Variants in HECTD4 observed in about 807,000 individuals in gnomAD.
The protein encoded by HECTD4 is probable E3 ubiquitin-protein ligase HECTD4.
A neutral mutation model predicts 471.5 loss-of-function variants in HECTD4; 114 were observed. The observed-to-expected ratio is 0.24, with a 90% CI of 0.21 to 0.28. The LOEUF is 0.28. Ranked by LOEUF, HECTD4 falls within the 10% of genes least tolerant of loss-of-function variation. The pLI is 1.00. For synonymous variants in HECTD4, 2,012 were observed against 2,256.0 expected (o/e 0.89, Z 3.07); for missense variants, 3,866 against 5,651.5 (o/e 0.68, Z 10.13).
intron 1 of HECTD4, among the ~76,000 whole-genome samples, chr12:112,335,052 A>C (rs1209213843): frequency 6.6e-6 from 1 of 152,298 alleles, no homozygotes; most frequent in East Asian, 1.9e-4. Flanking sequence ...ATACTTGCAC[A>C]TGCATGTTTA....
At chr12:112,324,493 T>C (rs1489329327) in intron 1 of HECTD4, among the ~76,000 whole-genome samples, 2 of 152,134 alleles carry the variant, frequency 1.3e-5, no homozygotes, top group Non-Finnish European at 2.9e-5. Flanking sequence ...TCAAGTAATA[T>C]AAAACTGTAT....
rs183047454 is a variant in HECTD4 at position 112,319,513 on chromosome 12, G to T, written c.407C>A (p.Pro136His). Residue 136 changes from proline to histidine, a missense_variant, in exon 2 of 76, where the codon CCT becomes CAT. Pro to His is a moderately conservative substitution (Grantham distance 77). Coordinates refer to ENST00000682272, the MANE Select transcript of HECTD4 (RefSeq NM_001388303.1). This position sits in a 1 kb window ranked among gnomAD's most constrained non-coding sequence, Gnocchi z 5.3. ...LLKRQGLLQQ[P>H]EQAPFTSRMG... ...CCTCGATGTGAAGGGCGCTTGCTCA[G>T]GTTGCTGCAACAAGCCCTGGCGTTT... The T allele has an allele frequency of 2.7e-4, 390 of 1,470,352 alleles. 2 individuals are homozygous for T. Among genetic ancestry groups the T allele is most frequent in the East Asian group, 1.7e-4 (7 of 40,308 alleles). 91.1% of individuals were successfully genotyped at this position (1,470,352 alleles called of 1,614,324 possible). A position where few individuals can be genotyped will look rare whatever the true frequency, so the allele number is the denominator to read the frequency against.
Position 112,162,986 on chromosome 12 carries a change from A to T in HECTD4, c.13120+56T>A, listed in dbSNP as rs773332978. On this transcript the variant is annotated intron_variant, in intron 75 of 75. Coordinates refer to ENST00000682272, the MANE Select transcript of HECTD4 (RefSeq NM_001388303.1). The surrounding 1 kb of genome is among the most constrained non-coding windows in gnomAD (Gnocchi z 5.2). ...CATGGGGCCTGGCAGCCCCAGTTCC[A>T]AACAGAGAAAGGCTAGTGTGTCCCT... The T allele has an allele frequency of 3.9e-5, 54 of 1,386,182 alleles. No individual in the cohort carries two copies. The highest frequency in any genetic ancestry group is 5.1e-5 in the Non-Finnish European group (51 of 998,468). 85.9% of individuals were successfully genotyped at this position (1,386,182 alleles called of 1,614,324 possible).
At chr12:112,347,283 G>A (rs746321667) in intron 1 of HECTD4, among the ~76,000 whole-genome samples, 17 of 152,160 alleles carry the variant, frequency 1.1e-4, no homozygotes, top group Non-Finnish European at 1.8e-4. Context: ...GCCGAGGTGG[G>A]TGGATCACTT....
Position 112,162,968 on chromosome 12 carries a change from C to G in HECTD4, c.13120+74G>C, listed in dbSNP as rs760853136. On this transcript the variant is annotated intron_variant, in intron 75 of 75. Coordinates refer to ENST00000682272, the MANE Select transcript of HECTD4 (RefSeq NM_001388303.1). The surrounding 1 kb of genome is among the most constrained non-coding windows in gnomAD (Gnocchi z 5.2). ...TTCATTGTTCTCCCTTCACATGGGG[C>G]CTGGCAGCCCCAGTTCCAAACAGAG... The G allele has an allele frequency of 6.7e-6, 8 of 1,201,342 alleles. No homozygotes were observed. Among genetic ancestry groups the G allele is most frequent in the Non-Finnish European group, 9.5e-6 (8 of 839,202 alleles). The allele number at this position is 1,201,342 out of a possible 1,614,324, so 74.4% of individuals were successfully genotyped here.
chr12:112,376,274 T>C (rs2036778434), intron 1 of HECTD4, among the ~76,000 whole-genome samples: 1 of 151,400 alleles, frequency 6.6e-6, no homozygotes, highest in Non-Finnish European at 1.5e-5. Context: ...GGAGATGGAG[T>C]CTCACTCTGT....
chr12:112,271,042 T>C (rs1423803283), intron 11 of HECTD4, among the ~76,000 whole-genome samples: 1 of 152,200 alleles, frequency 6.6e-6, no homozygotes, highest in Non-Finnish European at 1.5e-5. Context: ...TAGTCAGTAA[T>C]ATAAAGTGGA....
rs576199012 is a variant in HECTD4 at position 112,272,546 on chromosome 12, T to A, written c.1942+1109A>T. Among the ~76,000 whole-genome samples, 6 of 152,170 alleles carry A rather than the reference T, an allele frequency of 3.9e-5. No individual in the cohort carries two copies. In the South Asian group the frequency reaches 8.3e-4, roughly 21 times the overall value. ...CACGCGGTTTTAAACTCTGCTCTGG[T>A]TTTTACTTTCTGTTGGGCCCTCTCA... On this transcript the variant is annotated intron_variant, in intron 11 of 75. Transcript: ENST00000682272.
chr12:112,377,272 T>TA (rs898563634), intron 1 of HECTD4, among the ~76,000 whole-genome samples: 88 of 143,064 alleles, frequency 6.2e-4, no homozygotes, highest in East Asian at 2.8e-3. Flanking sequence ...CCAACTCTAA[T>TA]AAAAAAAAAA....
chr12:112,343,495 C>T (rs1489312603), intron 1 of HECTD4, among the ~76,000 whole-genome samples: 1 of 152,120 alleles, frequency 6.6e-6, no homozygotes, highest in Non-Finnish European at 1.5e-5. Flanking sequence ...TGAGGCTGTG[C>T]ATGGTGGCTC....
At chr12:112,340,801 C>T (rs142497715) in intron 1 of HECTD4, among the ~76,000 whole-genome samples, 2 of 152,178 alleles carry the variant, frequency 1.3e-5, no homozygotes, top group East Asian at 1.9e-4. Flanking sequence ...TGCATAGGAA[C>T]GATTCTATTC....
At position 112,194,879 on chromosome 12, in the gene HECTD4, T is replaced by G. The variant is rs1230228765; in HGVS notation, c.8749+6A>C. ...CCAGAGTGACAGCAGCAAAGCCAAG[T>G]TTTACCTGGGAGAGGAGGTGCGAGG... is the stretch of plus-strand genomic sequence containing the variant. On this transcript the variant is annotated splice_donor_region_variant and intron_variant, in intron 56 of 75. Coordinates refer to ENST00000682272, the MANE Select transcript of HECTD4 (RefSeq NM_001388303.1). The surrounding 1 kb of genome is among the most constrained non-coding windows in gnomAD (Gnocchi z 4.6). 1 of 1,601,658 alleles carries G rather than the reference T, an allele frequency of 6.2e-7. No individual in the cohort carries two copies. Among genetic ancestry groups the G allele is most frequent in the Middle Eastern group, 1.7e-4 (1 of 6,046 alleles).
intron 1 of HECTD4, among the ~76,000 whole-genome samples, chr12:112,380,570 A>G (rs1242069551): frequency 6.6e-6 from 1 of 152,190 alleles, no homozygotes; most frequent in Non-Finnish European, 1.5e-5. Flanking sequence ...TCAGGCAGAT[A>G]AGACACTCAG....
chr12:112,347,076 C>A (rs928845980), intron 1 of HECTD4, among the ~76,000 whole-genome samples: 1 of 151,966 alleles, frequency 6.6e-6, no homozygotes, highest in African/African-American at 2.4e-5. Flanking sequence ...CTGGCCTCGA[C>A]TTTTCATGTT....
At chr12:112,182,701 C>G (rs2031720934) in intron 62 of HECTD4, among the ~76,000 whole-genome samples, 1 of 152,268 alleles carries the variant, frequency 6.6e-6, no homozygotes, top group Non-Finnish European at 1.5e-5. Context: ...CGGCGCAAAG[C>G]CACCCCTGGT....
At chr12:112,268,868 GTTTTTTTTTTTTTT>G (rs561805261) in intron 13 of HECTD4, among the ~76,000 whole-genome samples, 2 of 65,808 alleles carry the variant, frequency 3.0e-5, no homozygotes, top group Non-Finnish European at 2.6e-5. Context: ...GTCTGAAAAG[GTTTTTTTTTTTTTT>G]TTTTTTTTTT....
chr12:112,231,415 G>A (rs2033376048), intron 39 of HECTD4, 98 bp downstream of exon 39: 8 of 1,184,120 alleles, frequency 6.8e-6, no homozygotes, highest in Non-Finnish European at 8.7e-6. Flanking sequence ...ATTTCCAAGA[G>A]GTCAAGGGGA....
At chr12:112,238,662 G>T (rs2033571200) in intron 34 of HECTD4, among the ~76,000 whole-genome samples, 1 of 152,092 alleles carries the variant, frequency 6.6e-6, no homozygotes, top group African/African-American at 2.4e-5. Flanking sequence ...GAGCCAGGGA[G>T]GTTGAGGTTA....
chr12:112,321,749 T>C (rs915556720), intron 1 of HECTD4: 4 of 151,664 alleles, frequency 2.6e-5, no homozygotes, highest in Non-Finnish European at 4.4e-5. Flanking sequence ...AATCACTGAA[T>C]TGAACTAAAA....
Sources: allele counts gnomAD v4.1 joint callset (sites outside exome capture counted in the v4.1 genomes callset), GRCh38; gene constraint gnomAD v4.1.1; non-coding constraint Gnocchi (gnomAD v3.1); transcripts MANE v1.5; gene names NCBI Gene and HGNC (gene_info 2026-07-23, HGNC 2026-07-21).